The following DCT variants were observed in gnomAD, a reference collection of about 807,000 sequenced individuals.
DCT encodes L-dopachrome tautomerase.
Under a neutral mutation model 53.0 loss-of-function variants are expected in DCT, and 47 were observed. The ratio of observed to expected loss-of-function variants is 0.89; its 90% CI spans 0.70 to 1.13. The LOEUF is 1.13. Among genes scored for constraint, DCT ranks in the 50% most tolerant of loss-of-function variants. DCT has a pLI of 0.00. For missense variants in DCT, 669 were observed against 637.4 expected, an observed-to-expected ratio of 1.05 and a Z score of -0.53; for synonymous variants, 244 against 237.0, an observed-to-expected ratio of 1.03 and a Z score of -0.27.
intron 4 of DCT, among the ~76,000 whole-genome samples, chr13:94,463,206 A>G (rs1883933516): frequency 6.6e-6 from 1 of 151,986 alleles, no homozygotes. Context: ...GCATGATCAC[A>G]GCTGACTGCA....
chr13:94,532,457 TA>T, the DCT span, among the ~76,000 whole-genome samples: 2 of 151,972 alleles, frequency 1.3e-5, no homozygotes, highest in African/African-American at 4.8e-5. Context: ...TATGCAGCCA[TA>T]AAAAAGGATG....
At chr13:94,461,095 G>T (rs1478235889) in intron 5 of DCT, among the ~76,000 whole-genome samples, 1 of 152,126 alleles carries the variant, frequency 6.6e-6, no homozygotes, top group African/African-American at 2.4e-5. Context: ...AAAGGAGGAT[G>T]AATTAGTTTT....
intron 6 of DCT, among the ~76,000 whole-genome samples, chr13:94,459,516 C>G (rs755200015): frequency 2.0e-5 from 3 of 152,152 alleles, no homozygotes; most frequent in Admixed American, 6.5e-5. Context: ...TCCTGATCCA[C>G]CATGATCAGA....
At chr13:94,496,154 G>A in the DCT span, among the ~76,000 whole-genome samples, 1 of 152,132 alleles carries the variant, frequency 6.6e-6, no homozygotes, top group Non-Finnish European at 1.5e-5. Flanking sequence ...GAGATTAAGA[G>A]CTGTAGTCTA....
chr13:94,481,232 A>G (rs927187539), upstream of DCT, among the ~76,000 whole-genome samples: 3 of 152,220 alleles, frequency 2.0e-5, no homozygotes, highest in African/African-American at 7.2e-5. Context: ...TCTTCACTCA[A>G]TTACATCTGC....
At chr13:94,529,675 A>G in the DCT span, among the ~76,000 whole-genome samples, 10 of 152,250 alleles carry the variant, frequency 6.6e-5, no homozygotes, top group African/African-American at 2.4e-4. Context: ...CTAAATGCCC[A>G]CAAGAGAAAG....
the DCT span, among the ~76,000 whole-genome samples, chr13:94,547,980 A>ATATAT: frequency 8.1e-5 from 8 of 99,184 alleles, no homozygotes; most frequent in African/African-American, 1.6e-4. Flanking sequence ...AAAAAAAAAA[A>ATATAT]AAAAATATAT....
the DCT span, among the ~76,000 whole-genome samples, chr13:94,514,271 T>A: frequency 6.6e-6 from 1 of 151,656 alleles, no homozygotes; most frequent in African/African-American, 2.4e-5. Flanking sequence ...TGGCAAAATA[T>A]GAATTTCCTC....
the DCT span, among the ~76,000 whole-genome samples, chr13:94,534,116 C>T: frequency 6.6e-6 from 1 of 151,314 alleles, no homozygotes; most frequent in East Asian, 1.9e-4. Context: ...CAAGTTTCCC[C>T]ATATATATTT....
chr13:94,457,207 T>G (rs1002095441), intron 6 of DCT, among the ~76,000 whole-genome samples: 1 of 152,236 alleles, frequency 6.6e-6, no homozygotes, highest in Non-Finnish European at 1.5e-5. Context: ...ATATCTGGAC[T>G]GAACTGTGTT....
At chr13:94,448,595 AAAAGTT>A (rs1882877410) in intron 6 of DCT, among the ~76,000 whole-genome samples, 1 of 152,212 alleles carries the variant, frequency 6.6e-6, no homozygotes, top group Admixed American at 6.5e-5. Flanking sequence ...AAACAAAAGC[AAAAGTT>A]AAATGAAAGT....
At chr13:94,512,004 C>T in the DCT span, among the ~76,000 whole-genome samples, 3 of 152,290 alleles carry the variant, frequency 2.0e-5, no homozygotes, top group East Asian at 5.8e-4. Context: ...GCTGGGACCA[C>T]AAGTGCATGA....
chr13:94,483,295 G>A (rs1885524403), upstream of DCT, among the ~76,000 whole-genome samples: 1 of 151,296 alleles, frequency 6.6e-6, no homozygotes, highest in Non-Finnish European at 1.5e-5. Flanking sequence ...ACAAAAAAAA[G>A]TTTTTAACAG....
Position 94,469,085 on chromosome 13 carries a change from A to G in DCT, c.296-40T>C, listed in dbSNP as rs190023056. On this transcript the variant is annotated intron_variant, in intron 1 of 7. Coordinates refer to ENST00000377028, the MANE Select transcript of DCT (RefSeq NM_001922.5). The stretch of plus-strand genomic sequence containing the variant: ...AGAAAGATGGAAAGGAAGGGGGTTT[A>G]TGTCGTTTGGAAGAAATTTCTGAAT... 1.8e-5 allele frequency: 28 copies of G among 1,535,960 alleles called. No individual in the cohort carries two copies. The African/African-American group carries it at 3.2e-4, about 17-fold the overall frequency.
At chr13:94,489,258 C>T in the DCT span, among the ~76,000 whole-genome samples, 1 of 152,056 alleles carries the variant, frequency 6.6e-6, no homozygotes, top group Non-Finnish European at 1.5e-5. Flanking sequence ...GATGACATTA[C>T]ATAAAGGAGG....
chr13:94,480,693 G>T (rs1015844807), upstream of DCT, among the ~76,000 whole-genome samples: 1 of 152,176 alleles, frequency 6.6e-6, no homozygotes, highest in African/African-American at 2.4e-5. Flanking sequence ...CTGTACCACA[G>T]CCCTACTGAA....
At chr13:94,539,577 A>G in the DCT span, among the ~76,000 whole-genome samples, 2 of 152,218 alleles carry the variant, frequency 1.3e-5, no homozygotes, top group Non-Finnish European at 2.9e-5. Context: ...TTATGGTTTT[A>G]TTTATTTTAC....
At chr13:94,455,892 G>A (rs568956019) in intron 6 of DCT, among the ~76,000 whole-genome samples, 1 of 152,260 alleles carries the variant, frequency 6.6e-6, no homozygotes, top group East Asian at 1.9e-4. Flanking sequence ...TTTTCCTTAT[G>A]AATATGAATT....
chr13:94,468,824 G>A lies in DCT; in HGVS notation c.517C>T (p.Gln173Ter), dbSNP rs1422576825. 1 of 1,614,068 alleles carries A rather than the reference G, an allele frequency of 6.2e-7. No individual in the cohort carries two copies. Among genetic ancestry groups the A allele is most frequent in the Non-Finnish European group, 8.5e-7 (1 of 1,180,034 alleles). ...WLGLLGPNGT[Q>*]PQFANCSVYD... The stretch of plus-strand genomic sequence containing the variant: ...ACACTGCAGTTGGCAAACTGCGGCT[G>A]GGTTCCATTGGGCCCAAGCAGGCCC... Residue 173 changes from glutamine to a stop codon, truncating the protein, a stop_gained, in exon 2 of 8, where the codon CAG (glutamine) becomes TAG (stop). Transcript: ENST00000377028. LOFTEE classifies it high-confidence loss of function.
Sources: allele counts gnomAD v4.1 joint callset (sites outside exome capture counted in the v4.1 genomes callset), GRCh38; gene constraint gnomAD v4.1.1; transcripts MANE v1.5; gene names NCBI Gene and HGNC (gene_info 2026-07-23, HGNC 2026-07-21).